The following DGKB variants were observed in gnomAD, a reference collection of about 807,000 sequenced individuals.
DGKB encodes 90 kDa diacylglycerol kinase.
A neutral mutation model predicts 114.3 loss-of-function variants in DGKB; 67 were observed. The observed-to-expected ratio is 0.59, with a 90% CI of 0.48 to 0.72. The LOEUF is 0.72. DGKB is among the 30% of genes least tolerant of loss of function. The pLI is 0.00. For synonymous variants in DGKB, 398 were observed against 323.1 expected (o/e 1.23, Z -2.49); for missense variants, 907 against 975.2 (o/e 0.93, Z 0.93).
At chr7:14,281,032 G>T (rs1003580478) in intron 23 of DGKB, among the ~76,000 whole-genome samples, 9 of 149,918 alleles carry the variant, frequency 6.0e-5, no homozygotes, top group African/African-American at 2.2e-4. Flanking sequence ...AATGTAAATG[G>T]ACTAAATGCT....
chr7:14,478,811 A>AAAC (rs1554461756), intron 20 of DGKB, among the ~76,000 whole-genome samples: 3 of 151,804 alleles, frequency 2.0e-5, no homozygotes, highest in Admixed American at 6.6e-5. Context: ...TAGAAAAAAA[A>AAAC]AACAACAACA....
intron 25 of DGKB, among the ~76,000 whole-genome samples, chr7:14,156,104 T>C (rs1400137197): frequency 6.6e-6 from 1 of 152,102 alleles, no homozygotes. Flanking sequence ...AGAAGTGCTA[T>C]CATATAAACA....
intron 2 of DGKB, among the ~76,000 whole-genome samples, chr7:14,765,750 C>T (rs1047794911): frequency 2.0e-5 from 3 of 151,892 alleles, no homozygotes; most frequent in East Asian, 1.9e-4. Context: ...TACTTGCCTT[C>T]GAGCCACTCA....
chr7:14,216,956 T>C (rs1789083691), intron 23 of DGKB, among the ~76,000 whole-genome samples: 1 of 152,140 alleles, frequency 6.6e-6, no homozygotes, highest in African/African-American at 2.4e-5. Context: ...TCAGTTTTTA[T>C]GTAGTACACT....
intron 13 of DGKB, 138 bp from the exon 14 acceptor site, chr7:14,630,406 G>C: frequency 1.8e-6 from 1 of 542,168 alleles, no homozygotes; most frequent in South Asian, 3.2e-5. Context: ...TAATTTTACT[G>C]CTTCCTTGAA....
intron 20 of DGKB, among the ~76,000 whole-genome samples, chr7:14,564,654 T>C (rs1406963976): frequency 6.6e-6 from 1 of 152,202 alleles, no homozygotes; most frequent in Non-Finnish European, 1.5e-5. Context: ...CTATATAGTC[T>C]TTATAGATGC....
At chr7:14,557,391 G>A (rs1180980159) in intron 20 of DGKB, among the ~76,000 whole-genome samples, 1 of 151,734 alleles carries the variant, frequency 6.6e-6, no homozygotes, top group African/African-American at 2.4e-5. Context: ...AAAAATATTT[G>A]TGCCGGTCTA....
Position 14,653,800 on chromosome 7 carries a change from A to G in DGKB, c.1134+19129T>C, listed in dbSNP as rs1332847310. ...TCTTACGATCATCATAATAGAAACC[A>G]AAACAAAGCAATTCATAAATCTTCA... On this transcript the variant is annotated intron_variant, in intron 13 of 25. Coordinates refer to ENST00000402815, the MANE Select transcript of DGKB (RefSeq NM_001350709.2). Among the ~76,000 whole-genome samples, 6 of 152,218 alleles carry G rather than the reference A, an allele frequency of 3.9e-5. 1 individual carries two copies. In the South Asian group the frequency reaches 6.2e-4, roughly 16 times the overall value.
intron 1 of DGKB, among the ~76,000 whole-genome samples, chr7:14,851,502 T>C (rs1329271692): frequency 6.6e-6 from 1 of 152,174 alleles, no homozygotes; most frequent in Non-Finnish European, 1.5e-5. Context: ...TGAAATAATG[T>C]AAAATGCTAT....
chr7:14,910,934 A>T (rs1221193287), intron 1 of DGKB, among the ~76,000 whole-genome samples: 1 of 152,164 alleles, frequency 6.6e-6, no homozygotes, highest in Non-Finnish European at 1.5e-5. Flanking sequence ...TAACCTAATT[A>T]AACTCCAAAT....
intron 21 of DGKB, among the ~76,000 whole-genome samples, chr7:14,458,131 A>C (rs1832566391): frequency 6.6e-6 from 1 of 152,144 alleles, no homozygotes; most frequent in South Asian, 2.1e-4. Context: ...AATCTATGGG[A>C]AGCCTTCTAA....
intron 1 of DGKB, among the ~76,000 whole-genome samples, chr7:14,932,224 G>C (rs947649953): frequency 1.5e-4 from 23 of 152,014 alleles, no homozygotes; most frequent in African/African-American, 5.3e-4. Context: ...CCTGTGGTGG[G>C]GATTTACTCC....
intron 23 of DGKB, among the ~76,000 whole-genome samples, chr7:14,296,298 G>T (rs1183654500): frequency 1.3e-5 from 2 of 151,984 alleles, no homozygotes; most frequent in South Asian, 2.1e-4. Context: ...CCAAAGTGCT[G>T]GTATTACAGG....
At chr7:14,661,611 T>C (rs935060823) in intron 13 of DGKB, among the ~76,000 whole-genome samples, 2 of 152,132 alleles carry the variant, frequency 1.3e-5, no homozygotes, top group Non-Finnish European at 2.9e-5. Flanking sequence ...CTGGTAGGAC[T>C]GTAAACTAGT....
chr7:14,643,088 C>A (rs567677111), intron 13 of DGKB, among the ~76,000 whole-genome samples: 1 of 152,076 alleles, frequency 6.6e-6, no homozygotes, highest in East Asian at 1.9e-4. Context: ...TAAGGGAGAA[C>A]ACAAATTCAG....
chr7:14,662,224 T>C (rs530946092), intron 13 of DGKB, among the ~76,000 whole-genome samples: 8 of 150,148 alleles, frequency 5.3e-5, no homozygotes, highest in South Asian at 2.1e-4. Flanking sequence ...AAAATAAAAA[T>C]AAAAATAAAA....
intron 4 of DGKB, among the ~76,000 whole-genome samples, chr7:14,742,784 A>G (rs952151962): frequency 2.0e-5 from 3 of 152,214 alleles, no homozygotes; most frequent in Non-Finnish European, 4.4e-5. Flanking sequence ...ACCACTGAAA[A>G]TAGATTGACA....
At chr7:14,511,306 G>A (rs1425885358) in intron 20 of DGKB, among the ~76,000 whole-genome samples, 1 of 152,174 alleles carries the variant, frequency 6.6e-6, no homozygotes, top group Non-Finnish European at 1.5e-5. Flanking sequence ...TGGATAACTT[G>A]CTGCAGCTTC....
chr7:14,911,923 C>T (rs1784024789), intron 1 of DGKB, among the ~76,000 whole-genome samples: 2 of 152,040 alleles, frequency 1.3e-5, no homozygotes, highest in African/African-American at 2.4e-5. Flanking sequence ...TATGCAGATG[C>T]CAGAAAAAAG....
Sources: gnomAD v4.1 joint callset for allele counts (sites outside exome capture counted in the v4.1 genomes callset) on GRCh38, gnomAD v4.1.1 for gene constraint, MANE v1.5 for transcripts, NCBI Gene and HGNC (gene_info 2026-07-23, HGNC 2026-07-21) for gene names.